Variants in SYNE3 observed in about 807,000 individuals in gnomAD.
SYNE3 encodes spectrin repeat containing nuclear envelope family member 3, also known as nesprin-3.
Under a neutral mutation model 111.2 loss-of-function variants are expected in SYNE3, and 100 were observed. The ratio of observed to expected loss-of-function variants is 0.90; its 90% confidence interval spans 0.77 to 1.06. SYNE3 has a LOEUF of 1.06. Ranked by LOEUF, SYNE3 falls within the 50% of genes least tolerant of loss-of-function variation. The probability of loss-of-function intolerance (pLI) is 0.00; values close to 1 mark genes in which losing one functional copy is unlikely to be tolerated. For synonymous variants in SYNE3, 547 were observed against 533.9 expected (o/e 1.02, Z -0.34); for missense variants, 1,160 against 1,240.3 (o/e 0.94, Z 0.97).
At chr14:95,440,697 C>G (rs1180927728) in intron 11 of SYNE3, among the ~76,000 whole-genome samples, 1 of 152,200 alleles carries the variant, frequency 6.6e-6, no homozygotes, top group Non-Finnish European at 1.5e-5. Flanking sequence ...CTGTCCAATT[C>G]AATTTAAATG....
At chr14:95,432,163 T>G (rs530533095) in intron 16 of SYNE3, 46 bp from the exon 17 acceptor site, 1 of 1,586,978 alleles carries the variant, frequency 6.3e-7, no homozygotes, top group African/African-American at 1.3e-5. Flanking sequence ...AAAAATAAGT[T>G]AAGTGAGTGA....
In SYNE3 at chr14:95,439,172, C is replaced by T. The variant is rs750161867; in HGVS notation, c.2247-10G>A. ...CCAGTTTCTGATGAGGCTGAGAAGA[C>T]AAACTCAGCCCAGTCAATGCAGAGA... is the stretch of plus-strand genomic sequence containing the variant. On this transcript the variant is annotated splice_polypyrimidine_tract_variant and intron_variant, in intron 13 of 17. Coordinates refer to ENST00000682763, the MANE Select transcript of SYNE3 (RefSeq NM_152592.6). 1 of 1,614,192 alleles carries T rather than the reference C, an allele frequency of 6.2e-7. No homozygotes were observed. The highest frequency in any genetic ancestry group is 8.5e-7 in the Non-Finnish European group (1 of 1,180,020).
In SYNE3 at chr14:95,457,315, C is replaced by A. The variant is rs759503698; in HGVS notation, c.651G>T (p.Gln217His). The A allele has an allele frequency of 1.9e-6, 3 of 1,607,482 alleles. No individual in the cohort carries two copies. The East Asian group carries it at 6.7e-5, about 36-fold the overall frequency. ...GGTACTCCTCATGCTCCCGGGCCACCTGCTCCAGCAGATCTACACGCTTCT... is the reference window on the plus strand; with the variant it reads ...GGTACTCCTCATGCTCCCGGGCCACATGCTCCAGCAGATCTACACGCTTCT... ...KAQKRVDLLE[Q>H]VAREHEEYQA... The change falls in exon 5 of 18, where the codon CAG becomes CAT. Residue 217 changes from glutamine to histidine, a missense_variant. Physicochemically the swap from Gln to His is conservative, Grantham distance 24. Transcript: ENST00000682763.
intron 17 of SYNE3, among the ~76,000 whole-genome samples, chr14:95,430,907 A>C (rs1885725818): frequency 6.6e-6 from 1 of 151,826 alleles, no homozygotes; most frequent in African/African-American, 2.4e-5. Flanking sequence ...CCACAAAGCC[A>C]GTTGGTATTG....
At chr14:95,468,915 T>C (rs1443693289) in intron 2 of SYNE3, among the ~76,000 whole-genome samples, 1 of 152,158 alleles carries the variant, frequency 6.6e-6, no homozygotes, top group Non-Finnish European at 1.5e-5. Context: ...TAGGCAAATA[T>C]GACTGGATTC....
rs749955924 is a variant in SYNE3, at chr14:95,433,414, G to A, written c.2539-5C>T. 6.2e-7 allele frequency: 1 copy of A among 1,613,730 alleles called. No individual in the cohort carries two copies. Among genetic ancestry groups the A allele is most frequent in the South Asian group, 1.1e-5 (1 of 91,042 alleles). ...TGGCACCCGAGCCTCCAGCTCCTGG[G>A]GGAAACAGCAGCGTCATGGTGCGGC... On this transcript the variant is annotated splice_polypyrimidine_tract_variant and splice_region_variant and intron_variant, in intron 15 of 17. Coordinates refer to ENST00000682763, the MANE Select transcript of SYNE3 (RefSeq NM_152592.6).
chr14:95,486,743 C>T (rs909417623), intron 1 of SYNE3, among the ~76,000 whole-genome samples: 1 of 152,224 alleles, frequency 6.6e-6, no homozygotes, highest in Admixed American at 6.5e-5. Context: ...ACTAGATGAA[C>T]ATGTCTTTCC....
intron 1 of SYNE3, among the ~76,000 whole-genome samples, chr14:95,507,027 G>A (rs939845086): frequency 6.6e-6 from 1 of 152,212 alleles, no homozygotes; most frequent in Admixed American, 6.5e-5. Context: ...CCTCCATGGG[G>A]TGGTCCGCAG....
chr14:95,439,818 G>C (rs192011509), intron 12 of SYNE3, 34 bp from the exon 13 acceptor site: 3 of 1,596,004 alleles, frequency 1.9e-6, no homozygotes, highest in Non-Finnish European at 2.6e-6. Flanking sequence ...ACACACACAC[G>C]GTGAGGGTGG....
chr14:95,463,287 G>T (rs1887954822), intron 4 of SYNE3, among the ~76,000 whole-genome samples: 1 of 152,208 alleles, frequency 6.6e-6, no homozygotes, highest in South Asian at 2.1e-4. Context: ...GATGTCTATA[G>T]CGTTTTGGAT....
intron 4 of SYNE3, among the ~76,000 whole-genome samples, chr14:95,459,182 A>G (rs1453044024): frequency 2.6e-5 from 4 of 152,238 alleles, no homozygotes; most frequent in Non-Finnish European, 4.4e-5. Context: ...CCGCATTCCA[A>G]TAAAACTTTA....
intron 1 of SYNE3, among the ~76,000 whole-genome samples, chr14:95,494,397 T>C (rs949782925): frequency 6.6e-6 from 1 of 151,754 alleles, no homozygotes; most frequent in Non-Finnish European, 1.5e-5. Flanking sequence ...AGATGAGAAG[T>C]GGGAAAGGGC....
chr14:95,447,448 A>G (rs2139414235), intron 8 of SYNE3, among the ~76,000 whole-genome samples: 1 of 152,260 alleles, frequency 6.6e-6, no homozygotes, highest in East Asian at 1.9e-4. Context: ...GAAAGTGGTC[A>G]TTCTTTAAGC....
At chr14:95,449,804 G>C in intron 8 of SYNE3, 127 bp downstream of exon 8, 1 of 1,426,590 alleles carries the variant, frequency 7.0e-7, no homozygotes, top group South Asian at 1.4e-5. Flanking sequence ...AGCAGACCGG[G>C]CGCAGTGAGC....
intron 7 of SYNE3, chr14:95,451,970 A>G (rs796826802): frequency 6.4e-5 from 17 of 266,890 alleles, no homozygotes; most frequent in African/African-American, 2.2e-4. Flanking sequence ...CCCCTCCCCA[A>G]TGCTAACCTG....
chr14:95,453,957 G>T (rs1318645196), intron 6 of SYNE3, among the ~76,000 whole-genome samples: 2 of 152,238 alleles, frequency 1.3e-5, no homozygotes, highest in Non-Finnish European at 2.9e-5. Flanking sequence ...CTATAATGTT[G>T]TCAGGTTTAG....
At chr14:95,475,142 G>A (rs1888800662) in intron 2 of SYNE3, among the ~76,000 whole-genome samples, 1 of 152,248 alleles carries the variant, frequency 6.6e-6, no homozygotes, top group Non-Finnish European at 1.5e-5. Flanking sequence ...CAGGCACTGG[G>A]CACCAGCACT....
At chr14:95,438,954 G>T in intron 14 of SYNE3, 79 bp downstream of exon 14, 1 of 1,576,274 alleles carries the variant, frequency 6.3e-7, no homozygotes, top group Non-Finnish European at 8.7e-7. Flanking sequence ...GACAGGGAGG[G>T]GCCTGTGCTG....
At chr14:95,509,483 C>T (rs992016756) in intron 1 of SYNE3, among the ~76,000 whole-genome samples, 2 of 152,208 alleles carry the variant, frequency 1.3e-5, no homozygotes, top group African/African-American at 2.4e-5. Flanking sequence ...TCCCCAAACA[C>T]CTACTTTGAG....
Sources: gnomAD v4.1 joint callset for allele counts (sites outside exome capture counted in the v4.1 genomes callset) on GRCh38, gnomAD v4.1.1 for gene constraint, MANE v1.5 for transcripts, NCBI Gene and HGNC (gene_info 2026-07-23, HGNC 2026-07-21) for gene names.